Variants in ANXA8 observed in about 807,000 individuals in gnomAD.
The protein encoded by ANXA8 is annexin A8, also known as VAC-beta.
Under a neutral mutation model 26.8 loss-of-function variants are expected in ANXA8, and 9 were observed. The observed-to-expected ratio is 0.34, with a 90% CI of 0.20 to 0.59. ANXA8 has a LOEUF of 0.59. Ranked by LOEUF, ANXA8 falls within the 20% of genes least tolerant of loss-of-function variation. ANXA8 has a pLI of 0.84. For synonymous variants in ANXA8, 39 were observed against 94.8 expected, an observed-to-expected ratio of 0.41 and a Z score of 3.42; for missense variants, 83 against 238.5, an observed-to-expected ratio of 0.35 and a Z score of 4.29.
chr10:47,765,333 A>T, the ANXA8 span, among the ~76,000 whole-genome samples: 8,179 of 137,832 alleles, frequency 0.059, 1 homozygote, highest in East Asian at 0.34. Flanking sequence ...CACTGGACTC[A>T]GGCAGCTAGC....
the ANXA8 span, among the ~76,000 whole-genome samples, chr10:47,743,223 C>CAATCAA: frequency 2.2e-5 from 3 of 133,676 alleles, no homozygotes; most frequent in Non-Finnish European, 4.8e-5. Flanking sequence ...AATGCAATCC[C>CAATCAA]AATCAAAATC....
chr10:47,959,038 G>T, the ANXA8 span, among the ~76,000 whole-genome samples: 1 of 149,816 alleles, frequency 6.7e-6, no homozygotes, highest in Non-Finnish European at 1.5e-5. Context: ...CTGGGGGAGG[G>T]CCGGGGGATG....
the ANXA8 span, among the ~76,000 whole-genome samples, chr10:47,983,191 A>T: frequency 7.5e-5 from 4 of 53,364 alleles, 1 homozygote; most frequent in Non-Finnish European, 1.7e-4. Context: ...TTCCTCAAAA[A>T]GTTGGGTGTA....
the ANXA8 span, among the ~76,000 whole-genome samples, chr10:47,499,951 T>G: frequency 2.6e-5 from 4 of 151,218 alleles, no homozygotes; most frequent in Admixed American, 6.6e-5. Context: ...GATTTTTTTT[T>G]GGTAGAAATG....
At chr10:47,649,307 C>T in the ANXA8 span, among the ~76,000 whole-genome samples, 1 of 151,658 alleles carries the variant, frequency 6.6e-6, no homozygotes, top group African/African-American at 2.4e-5. Context: ...TTCACATCCT[C>T]ACAAAGGACA....
the ANXA8 span, among the ~76,000 whole-genome samples, chr10:47,693,298 T>TA: frequency 6.6e-6 from 1 of 151,224 alleles, no homozygotes; most frequent in Non-Finnish European, 1.5e-5. Flanking sequence ...CAATCTTTTT[T>TA]TTTTTTTTTG....
the ANXA8 span, among the ~76,000 whole-genome samples, chr10:47,746,933 G>T: frequency 2.5e-5 from 3 of 122,414 alleles, no homozygotes; most frequent in Non-Finnish European, 3.4e-5. Flanking sequence ...TCTGAGAAAA[G>T]AATTCTGAGA....
At chr10:47,502,757 G>T in the ANXA8 span, 1 of 1,590,362 alleles carries the variant, frequency 6.3e-7, no homozygotes, top group South Asian at 1.1e-5. Context: ...TGGCTGGTCA[G>T]CTGGGACTTG....
the ANXA8 span, among the ~76,000 whole-genome samples, chr10:47,724,489 C>T: frequency 7.1e-5 from 10 of 141,296 alleles, 2 homozygotes; most frequent in African/African-American, 2.6e-4. Context: ...GATTTTTCTC[C>T]TTAGGATGTT....
chr10:47,954,050 A>C, the ANXA8 span, among the ~76,000 whole-genome samples: 1 of 150,992 alleles, frequency 6.6e-6, no homozygotes, highest in Non-Finnish European at 1.5e-5. Flanking sequence ...GTAAATACCC[A>C]AAAGAAAGGA....
At chr10:47,949,227 C>G in the ANXA8 span, among the ~76,000 whole-genome samples, 3 of 139,668 alleles carry the variant, frequency 2.1e-5, no homozygotes, top group African/African-American at 9.0e-5. Context: ...AATTGGGTCT[C>G]TAATCTGATT....
the ANXA8 span, among the ~76,000 whole-genome samples, chr10:47,552,968 G>C: frequency 1.3e-5 from 2 of 151,856 alleles, no homozygotes; most frequent in South Asian, 4.2e-4. Flanking sequence ...TGAGTCAGAG[G>C]CTTCTCACAG....
At chr10:47,475,415 T>C (rs1839503053) in intron 6 of ANXA8, 78 bp downstream of exon 6, 1 of 1,610,962 alleles carries the variant, frequency 6.2e-7, no homozygotes, top group African/African-American at 1.3e-5. Flanking sequence ...CTTGTGGCGC[T>C]ATTCAAGGGC....
chr10:47,536,626 C>A, the ANXA8 span, among the ~76,000 whole-genome samples: 21 of 121,886 alleles, frequency 1.7e-4, 4 homozygotes, highest in Non-Finnish European at 2.4e-4. Context: ...TCTATATATA[C>A]CCCGCCCTTC....
the ANXA8 span, among the ~76,000 whole-genome samples, chr10:47,709,176 A>G: frequency 6.9e-6 from 1 of 144,532 alleles, no homozygotes; most frequent in Non-Finnish European, 1.5e-5. Context: ...AAACATATAC[A>G]AAAGTAGAGA....
the ANXA8 span, among the ~76,000 whole-genome samples, chr10:47,658,002 G>A: frequency 1.3e-5 from 2 of 151,754 alleles, no homozygotes; most frequent in Admixed American, 1.3e-4. Context: ...AATGCTTAAT[G>A]GTTTAAATCG....
At chr10:47,470,013 G>A (rs1839276305) in intron 11 of ANXA8, among the ~76,000 whole-genome samples, 1 of 151,528 alleles carries the variant, frequency 6.6e-6, no homozygotes, top group African/African-American at 2.4e-5. Context: ...CAAAGCACTG[G>A]GATTACGGGT....
the ANXA8 span, among the ~76,000 whole-genome samples, chr10:47,730,851 T>C: frequency 6.7e-6 from 1 of 148,680 alleles, no homozygotes; most frequent in Non-Finnish European, 1.5e-5. Flanking sequence ...TGTGAAATCA[T>C]TTCCTTGATT....
chr10:47,521,012 A>C, the ANXA8 span, among the ~76,000 whole-genome samples: 3 of 108,594 alleles, frequency 2.8e-5, no homozygotes, highest in East Asian at 1.3e-3. Context: ...AAGTAAATTC[A>C]TCATATCTGT....
Sources: allele counts gnomAD v4.1 joint callset (sites outside exome capture counted in the v4.1 genomes callset), GRCh38; gene constraint gnomAD v4.1.1; transcripts MANE v1.5; gene names NCBI Gene and HGNC (gene_info 2026-07-23, HGNC 2026-07-21).